The following ZNF723 variants were observed in gnomAD, a reference collection of about 807,000 sequenced individuals.
ZNF723 encodes zinc finger protein 723.
A neutral mutation model predicts 9.4 loss-of-function variants in ZNF723; 5 were observed. That is an observed-to-expected ratio of 0.53 (90% CI 0.28 to 1.12). The LOEUF (loss-of-function observed/expected upper bound fraction) is 1.12. Among genes scored for constraint, ZNF723 ranks in the 50% most tolerant of loss-of-function variants. The pLI is 0.10. For synonymous variants in ZNF723, 158 were observed against 168.8 expected, an observed-to-expected ratio of 0.94 and a Z score of 0.49; for missense variants, 450 against 501.5, an observed-to-expected ratio of 0.90 and a Z score of 0.98.
the ZNF723 span, among the ~76,000 whole-genome samples, chr19:22,825,067 C>G: frequency 6.6e-6 from 1 of 152,122 alleles, no homozygotes; most frequent in Non-Finnish European, 1.5e-5. Flanking sequence ...CACACCCACC[C>G]AAATGTAAAA....
chr19:22,855,354 G>C (rs1389956184), intron 3 of ZNF723, among the ~76,000 whole-genome samples: 4 of 151,046 alleles, frequency 2.6e-5, no homozygotes, highest in Admixed American at 2.6e-4. Context: ...TCAGACTCCT[G>C]AATAGCTGGG....
chr19:22,812,311 G>T, the ZNF723 span, among the ~76,000 whole-genome samples: 2 of 152,158 alleles, frequency 1.3e-5, no homozygotes, highest in African/African-American at 2.4e-5. Context: ...CATCCATCAG[G>T]ATTGTCACCC....
chr19:22,816,806 C>G, the ZNF723 span, among the ~76,000 whole-genome samples: 2 of 152,252 alleles, frequency 1.3e-5, no homozygotes, highest in African/African-American at 4.8e-5. Flanking sequence ...GCCATTGTAA[C>G]ATATTGCTGA....
intron 1 of ZNF723, among the ~76,000 whole-genome samples, chr19:22,835,659 CTT>C (rs976267683): frequency 4.6e-5 from 7 of 152,200 alleles, no homozygotes; most frequent in African/African-American, 1.4e-4. Flanking sequence ...GGAAATCTCT[CTT>C]TTATTTTGGC....
the ZNF723 span, among the ~76,000 whole-genome samples, chr19:22,825,278 C>T: frequency 6.6e-6 from 1 of 152,206 alleles, no homozygotes; most frequent in East Asian, 1.9e-4. Context: ...TTGGGACTCT[C>T]ATTCACAGAT....
chr19:22,817,630 T>A, the ZNF723 span, among the ~76,000 whole-genome samples: 23,284 of 151,954 alleles, frequency 0.15, 1,833 homozygotes, highest in Non-Finnish European at 0.18. Context: ...AAAACCAAAG[T>A]GATGAAACTT....
At chr19:22,832,253 C>G, upstream of ZNF723, 1 of 1,038,992 alleles carries the variant, frequency 9.6e-7, no homozygotes, top group Non-Finnish European at 1.4e-6. Flanking sequence ...AGACCCGCAG[C>G]TAGAGCGGAC....
chr19:22,839,891 T>C (rs796895497), intron 1 of ZNF723, among the ~76,000 whole-genome samples: 2 of 152,252 alleles, frequency 1.3e-5, no homozygotes, highest in East Asian at 3.9e-4. Context: ...TTTTTTCATA[T>C]GCTTGTTAGC....
the ZNF723 span, among the ~76,000 whole-genome samples, chr19:22,815,832 T>C: frequency 6.6e-6 from 1 of 152,080 alleles, no homozygotes; most frequent in South Asian, 2.1e-4. Flanking sequence ...ACAATAAAAG[T>C]GAGATTGTGT....
upstream of ZNF723, among the ~76,000 whole-genome samples, chr19:22,827,918 T>A (rs1158981536): frequency 6.6e-6 from 1 of 151,898 alleles, no homozygotes; most frequent in East Asian, 2.0e-4. Context: ...CTACTAAAAA[T>A]ACAAAAATAA....
At position 22,849,207 on chromosome 19, in the gene ZNF723, T is replaced by C. The variant is rs1373256397; in HGVS notation, c.140T>C (p.Val47Ala). ...ATTTTTAATAAAACAGGTGTTGGTGTCTCTAAGCCAGATTTAATCACCTGT... is the reference window on the plus strand; with the variant it reads ...ATTTTTAATAAAACAGGTGTTGGTGCCTCTAAGCCAGATTTAATCACCTGT... ...YRNLVFLGVGVSKPDLITCLE... is the reference protein window; with the variant it reads ...YRNLVFLGVGASKPDLITCLE... The change falls in exon 3 of 4, where the codon GTC becomes GCC. Residue 47 changes from valine (V) to alanine (A), a missense_variant. By Grantham distance (64) the Val-to-Ala change is moderately conservative. This residue lies in a region of ZNF723 where 143 missense variants were observed against 101.3 expected (regional missense o/e 1.41). Coordinates refer to ENST00000600766, the MANE Select transcript of ZNF723 (RefSeq NM_001349726.2). 5.0e-6 allele frequency: 3 copies of C among 603,998 alleles called. No homozygotes were observed. The highest frequency in any genetic ancestry group is 2.7e-5 in the South Asian group (1 of 36,534). 37.4% of individuals were successfully genotyped at this position (603,998 alleles called of 1,614,324 possible).
chr19:22,839,364 T>A (rs114608421), intron 1 of ZNF723, among the ~76,000 whole-genome samples: 2,070 of 152,122 alleles, frequency 0.014, 47 homozygotes, highest in African/African-American at 0.048. Context: ...CTCTGAGGAA[T>A]CACCAAACTG....
chr19:22,843,228 G>C (rs1365380379), intron 1 of ZNF723, among the ~76,000 whole-genome samples: 4 of 152,200 alleles, frequency 2.6e-5, no homozygotes, highest in African/African-American at 9.7e-5. Context: ...TCTCCTGTCT[G>C]TTTTATCATT....
chr19:22,843,201 T>C (rs1967270240), intron 1 of ZNF723, among the ~76,000 whole-genome samples: 1 of 152,202 alleles, frequency 6.6e-6, no homozygotes, highest in South Asian at 2.1e-4. Context: ...ATTTTTTGTT[T>C]AGAATTAGCC....
chr19:22,823,527 A>C, the ZNF723 span, among the ~76,000 whole-genome samples: 1 of 152,222 alleles, frequency 6.6e-6, no homozygotes, highest in East Asian at 1.9e-4. Context: ...TCTGACTCGC[A>C]TACTTAGACC....
At chr19:22,817,451 A>G in the ZNF723 span, among the ~76,000 whole-genome samples, 4 of 152,060 alleles carry the variant, frequency 2.6e-5, no homozygotes, top group South Asian at 2.1e-4. Context: ...CACTCTTTCT[A>G]TAGAAAGATT....
chr19:22,828,093 G>A (rs448651), upstream of ZNF723, among the ~76,000 whole-genome samples: 56,472 of 151,786 alleles, frequency 0.37, 10,961 homozygotes, highest in African/African-American at 0.51. Flanking sequence ...AAAAATAAAT[G>A]AATAAAATTG....
chr19:22,841,477 T>C (rs1967245092), intron 1 of ZNF723, among the ~76,000 whole-genome samples: 3 of 152,346 alleles, frequency 2.0e-5, no homozygotes, highest in Admixed American at 6.5e-5. Context: ...TTCTATCATT[T>C]TGGAGTTTTT....
At chr19:22,848,478 A>G in intron 2 of ZNF723, 91 bp downstream of exon 2, 1 of 997,364 alleles carries the variant, frequency 1.0e-6, no homozygotes, top group Non-Finnish European at 1.5e-6. Context: ...GATGCTTTGC[A>G]TAAATGAGTT....
Sources: allele counts gnomAD v4.1 joint callset (sites outside exome capture counted in the v4.1 genomes callset), GRCh38; gene constraint gnomAD v4.1.1; regional missense constraint gnomAD v4.1.1; transcripts MANE v1.5; gene names NCBI Gene and HGNC (gene_info 2026-07-23, HGNC 2026-07-21).